The following UBP1 variants were observed in gnomAD, a reference collection of about 807,000 sequenced individuals.
UBP1 encodes upstream-binding protein 1.
In UBP1, 22 loss-of-function variants were observed where a neutral mutation model predicts 76.1. The ratio of observed to expected loss-of-function variants is 0.29; its 90% confidence interval spans 0.21 to 0.41. The LOEUF is 0.41. UBP1 is among the 10% of genes least tolerant of loss of function. The pLI is 1.00. For synonymous variants in UBP1, 224 were observed against 237.1 expected, an observed-to-expected ratio of 0.94 and a Z score of 0.51; for missense variants, 436 against 668.1, an observed-to-expected ratio of 0.65 and a Z score of 3.83.
chr3:33,390,279 A>T lies in UBP1; in HGVS notation c.*52T>A. The T allele has an allele frequency of 6.4e-7, 1 of 1,552,920 alleles. No homozygotes were observed. The highest frequency in any genetic ancestry group is 1.8e-5 in the Admixed American group (1 of 56,116). On this transcript the variant is annotated 3_prime_UTR_variant, in exon 16 of 16. Coordinates refer to ENST00000283629, the MANE Select transcript of UBP1 (RefSeq NM_014517.5). Reference sequence around the variant, plus strand: ...GACTTCTTGGATTCAGTCTTCACACACTTTTAAGCGTGACTATTTGGTACT... The same window carrying T: ...GACTTCTTGGATTCAGTCTTCACACTCTTTTAAGCGTGACTATTTGGTACT...
intron 11 of UBP1, among the ~76,000 whole-genome samples, chr3:33,398,983 A>T (rs2044118209): frequency 1.3e-5 from 2 of 152,236 alleles, no homozygotes; most frequent in African/African-American, 4.8e-5. Flanking sequence ...AGAGACAAAG[A>T]AGTACACGGG....
rs144387025 is a variant in UBP1, at chr3:33,390,385, GAC to G, written c.1586-19_1586-18del. 23,279 of 1,613,814 alleles carry G rather than the reference GAC, an allele frequency of 0.014. 386 individuals carry two copies. The highest frequency in any genetic ancestry group is 0.066 in the Admixed American group (3,954 of 59,986). ...TACTTTCAGCTGCAGAAAAAGGAAA[GAC>G]AGTATTTCTTCAGTCAGGCTTAGGA... On this transcript the variant is annotated intron_variant, in intron 15 of 15. Transcript: ENST00000283629.
chr3:33,402,578 C>T (rs975716846), intron 9 of UBP1, among the ~76,000 whole-genome samples: 3 of 152,064 alleles, frequency 2.0e-5, no homozygotes, highest in South Asian at 2.1e-4. Context: ...CTACAATTAC[C>T]ATAGTTGTGA....
chr3:33,395,384 A>G (rs1484792446), intron 13 of UBP1, among the ~76,000 whole-genome samples: 2 of 152,118 alleles, frequency 1.3e-5, no homozygotes, highest in Non-Finnish European at 2.9e-5. Context: ...CAGAGTATGG[A>G]AAGAAGGAAA....
chr3:33,426,012 T>C (rs1172903000), intron 1 of UBP1, among the ~76,000 whole-genome samples: 35 of 88,392 alleles, frequency 4.0e-4, no homozygotes, highest in Non-Finnish European at 7.1e-4. Context: ...TATATATATA[T>C]ATATATATAT....
Position 33,400,947 on chromosome 3 carries a change from G to T in UBP1, c.1086+15C>A. Reference sequence around the variant, plus strand: ...CCCTGAAAGCATCAGATAGTTTTAGGAGAAAGATACTTACTTCACCAGAGG... The same window carrying T: ...CCCTGAAAGCATCAGATAGTTTTAGTAGAAAGATACTTACTTCACCAGAGG... On this transcript the variant is annotated intron_variant, in intron 10 of 15. Coordinates refer to ENST00000283629, the MANE Select transcript of UBP1 (RefSeq NM_014517.5). The T allele has an allele frequency of 6.3e-7, 1 of 1,592,310 alleles. No individual in the cohort carries two copies. The highest frequency in any genetic ancestry group is 1.2e-5 in the South Asian group (1 of 86,092).
intron 4 of UBP1, 118 bp from the exon 5 acceptor site, chr3:33,411,805 A>T: frequency 1.3e-6 from 1 of 755,674 alleles, no homozygotes; most frequent in South Asian, 1.7e-5. Flanking sequence ...CTGTCTTTCA[A>T]TGGTCTCCAT....
At chr3:33,433,007 T>G (rs1341238314) in intron 1 of UBP1, among the ~76,000 whole-genome samples, 2 of 152,030 alleles carry the variant, frequency 1.3e-5, no homozygotes, top group Non-Finnish European at 2.9e-5. Context: ...TAATAACTAG[T>G]TTTGTCATAG....
intron 2 of UBP1, among the ~76,000 whole-genome samples, chr3:33,421,143 T>C (rs1258445226): frequency 6.6e-6 from 1 of 152,214 alleles, no homozygotes; most frequent in African/African-American, 2.4e-5. Context: ...CAGCCAGATC[T>C]CTGCCCAAAG....
intron 1 of UBP1, among the ~76,000 whole-genome samples, chr3:33,427,407 A>G (rs1237308352): frequency 6.6e-6 from 1 of 152,254 alleles, no homozygotes; most frequent in Middle Eastern, 3.2e-3. Context: ...TAACTTTTCT[A>G]TACTCATTCT....
intron 1 of UBP1, among the ~76,000 whole-genome samples, chr3:33,433,851 T>C (rs2045156476): frequency 6.6e-6 from 1 of 151,070 alleles, no homozygotes; most frequent in Non-Finnish European, 1.5e-5. Flanking sequence ...AATTAGAGCC[T>C]GTAGTGTGCA....
Position 33,416,832 on chromosome 3 carries a change from G to T in UBP1, c.268C>A (p.Gln90Lys). 1.2e-6 allele frequency: 2 copies of T among 1,612,560 alleles called. No individual in the cohort carries two copies. Among genetic ancestry groups the T allele is most frequent in the South Asian group, 1.1e-5 (1 of 90,916 alleles). Residue 90 changes from glutamine to lysine, a missense_variant and splice_region_variant, in exon 3 of 16, where the codon CAG (glutamine) becomes AAG (lysine). Coordinates refer to ENST00000283629, the MANE Select transcript of UBP1 (RefSeq NM_014517.5). ...DETLTYLNQGQSYEIRMLDNR... is the reference protein window; with the variant it reads ...DETLTYLNQGKSYEIRMLDNR... ...TCCAGCATCCGAATTTCATATGACTGACCTATTTAAAGAAATTGTGTATAA... is the reference window on the plus strand; with the variant it reads ...TCCAGCATCCGAATTTCATATGACTTACCTATTTAAAGAAATTGTGTATAA...
intron 1 of UBP1, among the ~76,000 whole-genome samples, chr3:33,426,745 A>T (rs2045024604): frequency 6.6e-6 from 1 of 152,174 alleles, no homozygotes; most frequent in Admixed American, 6.5e-5. Context: ...CCGTGTTCTA[A>T]CATGTACCAA....
At chr3:33,438,998 T>C (rs113237720) in intron 1 of UBP1, among the ~76,000 whole-genome samples, 235 of 152,330 alleles carry the variant, frequency 1.5e-3, no homozygotes, top group African/African-American at 5.3e-3. Context: ...ATACAGAGTT[T>C]CCAAATTCCT....
In UBP1 at chr3:33,396,145, A is replaced by T. The variant is rs758678874; in HGVS notation, c.1390+17T>A. ...CAGTCTCAGAAGTGACAGAATTGAG[A>T]TGCCCTCAATACCTACCATAGGGTG... On this transcript the variant is annotated intron_variant, in intron 13 of 15. Transcript: ENST00000283629. 9 of 1,526,010 alleles carry T rather than the reference A, an allele frequency of 5.9e-6. No individual in the cohort carries two copies. The Admixed American group carries it at 1.5e-4, about 26-fold the overall frequency. The allele number at this position is 1,526,010 out of a possible 1,614,324, so 94.5% of individuals were successfully genotyped here.
intron 11 of UBP1, among the ~76,000 whole-genome samples, chr3:33,399,835 CA>C (rs67934167): frequency 0.022 from 3,337 of 152,230 alleles, 123 homozygotes; most frequent in African/African-American, 0.075. Flanking sequence ...GTGAAGAGTA[CA>C]CCGAAATATC....
chr3:33,404,097 C>G (rs1236682359), intron 8 of UBP1, among the ~76,000 whole-genome samples: 1 of 151,998 alleles, frequency 6.6e-6, no homozygotes, highest in Non-Finnish European at 1.5e-5. Flanking sequence ...CCTGTTTCTA[C>G]CAAAAAATAA....
intron 9 of UBP1, 93 bp from the exon 10 acceptor site, chr3:33,401,109 A>G (rs113442095): frequency 8.2e-7 from 1 of 1,218,386 alleles, no homozygotes; most frequent in African/African-American, 1.6e-5. Context: ...GTAACTATGC[A>G]AATTTCAAGT....
At chr3:33,422,937 C>A (rs1004143359) in intron 2 of UBP1, among the ~76,000 whole-genome samples, 14 of 151,870 alleles carry the variant, frequency 9.2e-5, no homozygotes, top group Admixed American at 3.9e-4. Context: ...AAGCACAACA[C>A]ACTATATTAT....
Sources: allele counts gnomAD v4.1 joint callset (sites outside exome capture counted in the v4.1 genomes callset), GRCh38; gene constraint gnomAD v4.1.1; transcripts MANE v1.5; gene names NCBI Gene and HGNC (gene_info 2026-07-23, HGNC 2026-07-21).